Variants in GALNTL6 observed in about 807,000 individuals in gnomAD.
GALNTL6 encodes the protein polypeptide N-acetylgalactosaminyltransferase like 6, also known as polypeptide N-acetylgalactosaminyltransferase-like 6.
A neutral mutation model predicts 73.7 loss-of-function variants in GALNTL6; 46 were observed. The ratio of observed to expected loss-of-function variants is 0.62; its 90% confidence interval spans 0.49 to 0.80. The LOEUF is 0.80. GALNTL6 is among the 30% of genes least tolerant of loss of function. GALNTL6 has a pLI of 0.00. For missense variants in GALNTL6, 604 were observed against 755.0 expected, an observed-to-expected ratio of 0.80 and a Z score of 2.34; for synonymous variants, 259 against 263.7, an observed-to-expected ratio of 0.98 and a Z score of 0.17.
Position 172,749,602 on chromosome 4 carries a change from G to A in GALNTL6, c.554-59759G>A, listed in dbSNP as rs1473489806. On this transcript the variant is annotated intron_variant, in intron 5 of 12. Transcript: ENST00000506823. ...TGGGAGGTTAATCCCATGTCCCTAA[G>A]CCCCCCAAATCCCTCTTTTTAAACT... is the stretch of plus-strand genomic sequence containing the variant. Among the ~76,000 whole-genome samples the A allele has an allele frequency of 2.6e-5, 4 of 151,676 alleles. No individual in the cohort carries two copies. The East Asian group carries it at 7.7e-4, about 29-fold the overall frequency.
At chr4:172,767,692 G>A (rs1428028037) in intron 5 of GALNTL6, among the ~76,000 whole-genome samples, 2 of 113,002 alleles carry the variant, frequency 1.8e-5, no homozygotes, top group Non-Finnish European at 3.5e-5. Context: ...TTTTGAGACA[G>A]TCTCATTCTG....
At chr4:172,588,810 T>TC (rs773738995) in intron 5 of GALNTL6, among the ~76,000 whole-genome samples, 1 of 152,120 alleles carries the variant, frequency 6.6e-6, no homozygotes, top group Non-Finnish European at 1.5e-5. Flanking sequence ...ATGCTGTATC[T>TC]CAAGCAACTG....
chr4:172,243,209 C>T (rs1418685636), intron 3 of GALNTL6, among the ~76,000 whole-genome samples: 1 of 152,130 alleles, frequency 6.6e-6, no homozygotes, highest in Non-Finnish European at 1.5e-5. Context: ...ACTTTGAGCA[C>T]TTCTCATACA....
chr4:172,702,419 T>G (rs550497247), intron 5 of GALNTL6, among the ~76,000 whole-genome samples: 1 of 152,204 alleles, frequency 6.6e-6, no homozygotes, highest in East Asian at 1.9e-4. Context: ...TCTTCCTTAA[T>G]GCTTAAACTT....
chr4:172,373,653 G>A (rs1207851990), intron 5 of GALNTL6, among the ~76,000 whole-genome samples: 2 of 152,116 alleles, frequency 1.3e-5, no homozygotes, highest in African/African-American at 4.8e-5. Flanking sequence ...TCTTCAAGTA[G>A]GGGACAACAA....
intron 2 of GALNTL6, among the ~76,000 whole-genome samples, chr4:172,176,949 A>G (rs2110838303): frequency 6.6e-6 from 1 of 152,218 alleles, no homozygotes; most frequent in Non-Finnish European, 1.5e-5. Flanking sequence ...TGAGTTGATG[A>G]TATATTTCTA....
At chr4:173,009,676 GT>G (rs540473076) in intron 11 of GALNTL6, among the ~76,000 whole-genome samples, 207 of 152,258 alleles carry the variant, frequency 1.4e-3, no homozygotes, top group Non-Finnish European at 2.4e-3. Flanking sequence ...CTGCTGTTCT[GT>G]GTTTGTGATG....
intron 5 of GALNTL6, among the ~76,000 whole-genome samples, chr4:172,391,540 C>G (rs1039123836): frequency 7.9e-5 from 12 of 152,064 alleles, no homozygotes; most frequent in Admixed American, 3.3e-4. Context: ...TAATTTCATT[C>G]ACAAGTGGAA....
intron 3 of GALNTL6, among the ~76,000 whole-genome samples, chr4:172,282,266 C>T (rs1447237887): frequency 2.6e-5 from 4 of 152,090 alleles, no homozygotes; most frequent in Non-Finnish European, 4.4e-5. Flanking sequence ...TATCCACGTA[C>T]GTATGAACAT....
intron 5 of GALNTL6, among the ~76,000 whole-genome samples, chr4:172,710,946 C>G (rs1579375856): frequency 6.6e-6 from 1 of 152,074 alleles, no homozygotes; most frequent in African/African-American, 2.4e-5. Context: ...ATGCCAGGCA[C>G]TCTTATAGGT....
intron 9 of GALNTL6, among the ~76,000 whole-genome samples, chr4:172,948,632 T>TTTTG (rs1749289113): frequency 6.6e-6 from 1 of 151,148 alleles, no homozygotes; most frequent in Admixed American, 6.6e-5. Context: ...TTTTTTTTTT[T>TTTTG]TTGTATTTTT....
At chr4:171,939,453 T>A (rs1285405697) in intron 2 of GALNTL6, among the ~76,000 whole-genome samples, 1 of 152,004 alleles carries the variant, frequency 6.6e-6, no homozygotes, top group African/African-American at 2.4e-5. Context: ...ATTTTGACTA[T>A]TTATGTAAAT....
intron 5 of GALNTL6, among the ~76,000 whole-genome samples, chr4:172,766,961 C>T (rs746854386): frequency 6.6e-6 from 1 of 152,168 alleles, no homozygotes. Context: ...GCTGGTGGGG[C>T]ATTTGTATTC....
chr4:172,622,992 G>C (rs1739022984), intron 5 of GALNTL6, among the ~76,000 whole-genome samples: 1 of 152,120 alleles, frequency 6.6e-6, no homozygotes, highest in South Asian at 2.1e-4. Context: ...AGAGATTTAA[G>C]TTAGAGCATG....
At chr4:171,818,452 T>A (rs1734583350) in intron 2 of GALNTL6, among the ~76,000 whole-genome samples, 1 of 151,644 alleles carries the variant, frequency 6.6e-6, no homozygotes, top group African/African-American at 2.4e-5. Flanking sequence ...ATATTTAGAA[T>A]ATGAAGAGGA....
chr4:172,705,316 C>T (rs897666843), intron 5 of GALNTL6, among the ~76,000 whole-genome samples: 4 of 150,200 alleles, frequency 2.7e-5, no homozygotes, highest in African/African-American at 4.9e-5. Flanking sequence ...CAATTTCTTG[C>T]GTTTGCTTTC....
intron 4 of GALNTL6, among the ~76,000 whole-genome samples, chr4:172,327,287 T>C (rs1345198335): frequency 6.6e-6 from 1 of 152,152 alleles, no homozygotes; most frequent in Admixed American, 6.5e-5. Flanking sequence ...TCAGTTCTTT[T>C]ATATTTGCTA....
chr4:173,026,315 A>G (rs1365649355), intron 12 of GALNTL6, among the ~76,000 whole-genome samples: 1 of 152,218 alleles, frequency 6.6e-6, no homozygotes, highest in Non-Finnish European at 1.5e-5. Flanking sequence ...TGGAAATGGT[A>G]TATAGAACAC....
At chr4:172,114,322 G>T (rs575275649) in intron 2 of GALNTL6, among the ~76,000 whole-genome samples, 30 of 152,124 alleles carry the variant, frequency 2.0e-4, no homozygotes, top group African/African-American at 7.0e-4. Context: ...TCTGGAGAAA[G>T]AAAAATTGGG....
Sources: allele counts gnomAD v4.1 joint callset (sites outside exome capture counted in the v4.1 genomes callset), GRCh38; gene constraint gnomAD v4.1.1; transcripts MANE v1.5; gene names NCBI Gene and HGNC (gene_info 2026-07-23, HGNC 2026-07-21).